The following SPTBN5 variants were observed in gnomAD, a reference collection of about 807,000 sequenced individuals.
The protein encoded by SPTBN5 is spectrin beta, non-erythrocytic 5, also known as spectrin beta chain, non-erythrocytic 5.
In SPTBN5, 513 loss-of-function variants were observed where a neutral mutation model predicts 477.6. That is an observed-to-expected ratio of 1.07 (90% CI 1.00 to 1.16). The LOEUF (loss-of-function observed/expected upper bound fraction) is 1.16, where lower values mean the gene tolerates loss of function less well. Among genes scored for constraint, SPTBN5 ranks in the 50% most tolerant of loss-of-function variants. The pLI, the probability that SPTBN5 is intolerant of heterozygous loss-of-function variation, is 0.00. For synonymous variants in SPTBN5, 2,169 were observed against 2,011.7 expected (o/e 1.08, Z -2.09); for missense variants, 5,062 against 4,731.8 (o/e 1.07, Z -2.05).
Position 41,848,499 on chromosome 15 carries a change from A to C in SPTBN5, c.*117T>G. ...CTATTCCAGAAGCTGGGCCTGGGGA[A>C]CTGGGTTGAAGCAGCCACGGGAAGG... On this transcript the variant is annotated 3_prime_UTR_variant, in exon 68 of 68. Coordinates refer to ENST00000320955, the MANE Select transcript of SPTBN5 (RefSeq NM_016642.4). 1.7e-6 allele frequency: 2 copies of C among 1,181,824 alleles called. No homozygotes were observed. Among genetic ancestry groups the C allele is most frequent in the Non-Finnish European group, 2.5e-6 (2 of 787,950 alleles). The allele number at this position is 1,181,824 out of a possible 1,614,324, so 73.2% of individuals were successfully genotyped here. A position where few individuals can be genotyped will look rare whatever the true frequency, so the allele number is the denominator to read the frequency against.
At chr15:41,868,707 G>A (rs1295199066) in intron 32 of SPTBN5, 106 bp from the exon 33 acceptor site, 19 of 1,166,654 alleles carry the variant, frequency 1.6e-5, no homozygotes, top group East Asian at 1.2e-4. Context: ...CACACAGCCC[G>A]AGCCGACCTG....
At position 41,875,468 on chromosome 15, in the gene SPTBN5, C is replaced by T. The variant is rs764414914; in HGVS notation, c.4277G>A (p.Arg1426Lys). 4.3e-6 allele frequency: 7 copies of T among 1,611,968 alleles called. No individual in the cohort carries two copies. Among genetic ancestry groups the T allele is most frequent in the East Asian group, 4.5e-5 (2 of 44,862 alleles). The change falls in exon 22 of 68, where the codon AGG becomes AAG. Residue 1426 changes from arginine to lysine, a missense_variant. Arg to Lys is a conservative substitution (Grantham distance 26). Transcript: ENST00000320955. ...CTCTTCCCAGTGGACCTGCAGCTGC[C>T]TCAGGAGTTGCTCCTGCTGTCCAGC... The part of the protein sequence containing the change: ...QQAGQQEQLL[R>K]QLQDAKEQLE...
intron 22 of SPTBN5, 108 bp downstream of exon 22, chr15:41,875,350 G>T: frequency 7.5e-7 from 1 of 1,331,842 alleles, no homozygotes. Flanking sequence ...GCCTCCAGAG[G>T]CTGCAGAGCC....
chr15:41,875,618 C>A lies in SPTBN5; in HGVS notation c.4127G>T (p.Gly1376Val). ...GGGCCTCCTACTCAACAGCTCTCTC[C>A]CAACCTGGAGTGGAGATAAAGGCCC... ...RRHVEALQQVGRELLSRRPCG... is the reference protein window; with the variant it reads ...RRHVEALQQVVRELLSRRPCG... The change falls in exon 22 of 68, where the codon GGG (glycine) becomes GTG (valine). Residue 1376 changes from glycine to valine, a missense_variant. Gly to Val is a moderately radical substitution (Grantham distance 109). Transcript: ENST00000320955. 6.3e-7 allele frequency: 1 copy of A among 1,585,342 alleles called. No homozygotes were observed. The highest frequency in any genetic ancestry group is 8.6e-7 in the Non-Finnish European group (1 of 1,165,562).
Position 41,857,335 on chromosome 15 carries a change from G to T in SPTBN5, c.8524C>A (p.Gln2842Lys). Residue 2842 changes from glutamine (Q) to lysine (K), a missense_variant, in exon 51 of 68, where the codon CAG becomes AAG. Transcript: ENST00000320955. Reference sequence around the variant, plus strand: ...GCCTGGCCCAGCAGTGCCTCAGCCTGCCTGGCCTTCTTGTCCACTGCTGCC... The same window carrying T: ...GCCTGGCCCAGCAGTGCCTCAGCCTTCCTGGCCTTCTTGTCCACTGCTGCC... ...LEAAVDKKAR[Q>K]AEALLGQAQA... The T allele has an allele frequency of 6.4e-7, 1 of 1,569,368 alleles. No homozygotes were observed. Among genetic ancestry groups the T allele is most frequent in the Non-Finnish European group, 8.6e-7 (1 of 1,157,638 alleles).
intron 49 of SPTBN5, 128 bp from the exon 50 acceptor site, chr15:41,857,838 C>T (rs2065973619): frequency 9.1e-7 from 1 of 1,104,404 alleles, no homozygotes; most frequent in Admixed American, 2.8e-5. Context: ...TCTTGAGCAA[C>T]TTTCTTTACC....
At chr15:41,893,699 C>T (rs1033971000) in intron 1 of SPTBN5, 153 bp from the exon 2 acceptor site, 4 of 956,538 alleles carry the variant, frequency 4.2e-6, no homozygotes, top group Admixed American at 2.9e-5. Flanking sequence ...GTCCCCTGTG[C>T]TTGAATGGCC....
intron 20 of SPTBN5, 72 bp downstream of exon 20, chr15:41,876,476 T>C (rs1178781774): frequency 7.1e-7 from 1 of 1,402,142 alleles, no homozygotes; most frequent in Middle Eastern, 1.8e-4. Context: ...CTCTGTAGGC[T>C]GCACAGAGCT....
chr15:41,873,973 C>T lies in SPTBN5; in HGVS notation c.4762G>A (p.Ala1588Thr). 2 of 1,607,196 alleles carry T rather than the reference C, an allele frequency of 1.2e-6. No individual in the cohort carries two copies. Among genetic ancestry groups the T allele is most frequent in the Non-Finnish European group, 1.7e-6 (2 of 1,179,824 alleles). ...TGTTGGGCTTGGGGGTGCCCTGAGG[C>T]TGCCAGGCTCCGCCCAGAACTCAGC... ...RVLSSGRSLA[A>T]SGHPQAQHIV... Residue 1588 changes from alanine to threonine, a missense_variant, in exon 25 of 68, where the codon GCC becomes ACC. By Grantham distance (58) the Ala-to-Thr change is moderately conservative (BLOSUM62 0). Coordinates refer to ENST00000320955, the MANE Select transcript of SPTBN5 (RefSeq NM_016642.4).
rs758110146 is a variant in SPTBN5, at chr15:41,874,908, G to A, written c.4436C>T (p.Ala1479Val). Residue 1479 changes from alanine (A) to valine (V), a missense_variant, in exon 23 of 68, where the codon GCC (alanine) becomes GTC (valine). Ala to Val is a moderately conservative substitution (Grantham distance 64, BLOSUM62 0). Transcript: ENST00000320955. The stretch of plus-strand genomic sequence containing the variant: ...GGCGGCCATGCCATGGGCCATGGAG[G>A]CGAGGGCAGCCATCTTGGCAGCCAG... Reference protein sequence around the residue: ...RTLAAKMAALASMAHGMAASP... With the variant: ...RTLAAKMAALVSMAHGMAASP... 1.2e-6 allele frequency: 2 copies of A among 1,613,286 alleles called. No homozygotes were observed. Among genetic ancestry groups the A allele is most frequent in the Non-Finnish European group, 1.7e-6 (2 of 1,179,836 alleles).
rs556608712 is a variant in SPTBN5 at position 41,867,583 on chromosome 15, G to A, written c.6267C>T (p.Arg2089=). 6.8e-6 allele frequency: 11 copies of A among 1,613,846 alleles called. No individual in the cohort carries two copies. The African/African-American group carries it at 9.3e-5, about 14-fold the overall frequency. The change falls in exon 35 of 68, where the codon CGC becomes CGT. Residue 2089 remains arginine (R), a synonymous_variant. Transcript: ENST00000320955. ...SSVEEVEQLI[R]KHEVFLKVLT... ...GAACCTTCAGGAAGACCTCGTGCTT[G>A]CGAATCAACTGCTCTACCTCTTCCA...
intron 13 of SPTBN5, 51 bp from the exon 14 acceptor site, chr15:41,880,363 G>T: frequency 2.0e-6 from 3 of 1,528,484 alleles, no homozygotes; most frequent in Non-Finnish European, 1.8e-6. Flanking sequence ...CCCCGACAGG[G>T]CTCTCAGAGC....
At position 41,857,440 on chromosome 15, in the gene SPTBN5, C is replaced by G. The variant is rs202162152; in HGVS notation, c.8419G>C (p.Glu2807Gln). ...EELENWLEPI[E>Q]VELRAPTVGQ... ...ACAGTGGGGGCTCTCAGCTCAACCTCGATGGGCTCCAGCCAGTTCTCCAGT... is the reference window on the plus strand; with the variant it reads ...ACAGTGGGGGCTCTCAGCTCAACCTGGATGGGCTCCAGCCAGTTCTCCAGT... The change falls in exon 51 of 68, where the codon GAG becomes CAG. Residue 2807 changes from glutamate (E) to glutamine (Q), a missense_variant. Glu to Gln is a conservative substitution (Grantham distance 29, BLOSUM62 2). Coordinates refer to ENST00000320955, the MANE Select transcript of SPTBN5 (RefSeq NM_016642.4). 2 of 1,606,580 alleles carry G rather than the reference C, an allele frequency of 1.2e-6. No individual in the cohort carries two copies. The highest frequency in any genetic ancestry group is 1.1e-5 in the South Asian group (1 of 89,600).
At chr15:41,892,822 G>A in intron 3 of SPTBN5, 72 bp downstream of exon 3, 1 of 1,488,390 alleles carries the variant, frequency 6.7e-7, no homozygotes, top group South Asian at 1.3e-5. Flanking sequence ...CGCAGGAAAG[G>A]TGACCCAGTA....
At chr15:41,880,059 C>G (rs947158216) in intron 14 of SPTBN5, 101 bp downstream of exon 14, 1 of 1,454,896 alleles carries the variant, frequency 6.9e-7, no homozygotes, top group Non-Finnish European at 9.2e-7. Context: ...TCCCCTCCCC[C>G]AGGCAGGACG....
rs746477446 is a variant in SPTBN5, at chr15:41,882,750, T to G, written c.1893-12A>C. Reference sequence around the variant, plus strand: ...CCAGCAGGGCCCGCCTGAGGGACAATAGGGGCCACCGAAGGACATGGGGAG... The same window carrying G: ...CCAGCAGGGCCCGCCTGAGGGACAAGAGGGGCCACCGAAGGACATGGGGAG... On this transcript the variant is annotated splice_polypyrimidine_tract_variant and intron_variant, in intron 9 of 67. Transcript: ENST00000320955. The G allele has an allele frequency of 5.0e-6, 8 of 1,605,648 alleles. No homozygotes were observed. Among genetic ancestry groups the G allele is most frequent in the Middle Eastern group, 1.7e-4 (1 of 6,014 alleles).
In SPTBN5 at chr15:41,883,151, C is replaced by G; in HGVS notation, c.1737G>C (p.Glu579Asp). 6.2e-7 allele frequency: 1 copy of G among 1,612,912 alleles called. No homozygotes were observed. The highest frequency in any genetic ancestry group is 8.5e-7 in the Non-Finnish European group (1 of 1,179,812). The stretch of plus-strand genomic sequence containing the variant: ...GGGCTCCGTGGGCCGAGACTTGAGC[C>G]TCCAGCAGGTCATGCCTCTGCAGCA... Reference protein sequence around the residue: ...VELLQRHDLLEAQVSAHGAHV... With the variant: ...VELLQRHDLLDAQVSAHGAHV... Residue 579 changes from glutamate to aspartate, a missense_variant, in exon 9 of 68, where the codon GAG (glutamate) becomes GAC (aspartate). By Grantham distance (45) the Glu-to-Asp change is conservative (BLOSUM62 2). Transcript: ENST00000320955.
At chr15:41,850,173 G>A in intron 66 of SPTBN5, 2 of 566,276 alleles carry the variant, frequency 3.5e-6, no homozygotes, top group South Asian at 2.1e-5. Flanking sequence ...CTCCTCACAG[G>A]TGAGTTAAGA....
intron 4 of SPTBN5, 100 bp from the exon 5 acceptor site, chr15:41,888,185 G>T (rs2067213784): frequency 8.0e-7 from 1 of 1,255,928 alleles, no homozygotes; most frequent in Non-Finnish European, 1.1e-6. Context: ...GCAGGATCCT[G>T]CTCCTCCCTG....
Sources: allele counts gnomAD v4.1 joint callset, GRCh38; gene constraint gnomAD v4.1.1; transcripts MANE v1.5; gene names NCBI Gene and HGNC (gene_info 2026-07-23, HGNC 2026-07-21).